Variants in TTLL11 observed in about 807,000 individuals in gnomAD.
The protein encoded by TTLL11 is tubulin tyrosine ligase like 11.
In TTLL11, 42 loss-of-function variants were observed where a neutral mutation model predicts 51.7. The observed-to-expected ratio is 0.81, with a 90% CI of 0.64 to 1.05. The LOEUF (loss-of-function observed/expected upper bound fraction) is 1.05, where lower values mean the gene tolerates loss of function less well. Ranked by LOEUF, TTLL11 falls within the 50% of genes least tolerant of loss-of-function variation. TTLL11 has a pLI of 0.00. For synonymous variants in TTLL11, 381 were observed against 383.5 expected (o/e 0.99, Z 0.08); for missense variants, 799 against 940.4 (o/e 0.85, Z 1.97).
intron 6 of TTLL11, among the ~76,000 whole-genome samples, chr9:121,889,640 G>A (rs1839143986): frequency 2.0e-5 from 3 of 152,176 alleles, no homozygotes; most frequent in South Asian, 4.1e-4. Context: ...AGTGGCTCAC[G>A]CCTGTAATCC....
chr9:121,827,610 G>A (rs567957458), intron 8 of TTLL11, among the ~76,000 whole-genome samples: 22 of 152,310 alleles, frequency 1.4e-4, no homozygotes, highest in Admixed American at 9.8e-4. Context: ...GTGGGGGGAC[G>A]CGGGGATGCC....
intron 6 of TTLL11, among the ~76,000 whole-genome samples, chr9:121,945,249 C>T (rs575441888): frequency 7.9e-5 from 12 of 152,298 alleles, no homozygotes; most frequent in Non-Finnish European, 1.2e-4. Context: ...CTGAAAAATA[C>T]ATGGGTTAAT....
intron 6 of TTLL11, among the ~76,000 whole-genome samples, chr9:121,959,879 T>C (rs1842159351): frequency 6.6e-6 from 1 of 152,018 alleles, no homozygotes; most frequent in Non-Finnish European, 1.5e-5. Context: ...CTGTGATCTG[T>C]ATTATACATT....
At chr9:122,051,185 T>C (rs1845145719) in intron 1 of TTLL11, among the ~76,000 whole-genome samples, 1 of 152,208 alleles carries the variant, frequency 6.6e-6, no homozygotes, top group South Asian at 2.1e-4. Context: ...GTATCTTACA[T>C]AAATGCCTCC....
chr9:122,067,077 G>A (rs1009347010), intron 1 of TTLL11, among the ~76,000 whole-genome samples: 6 of 152,048 alleles, frequency 3.9e-5, no homozygotes, highest in African/African-American at 7.2e-5. Flanking sequence ...ATTTGGGTAG[G>A]GACACAAAGC....
chr9:122,016,260 G>GT (rs1843975026), intron 3 of TTLL11, among the ~76,000 whole-genome samples: 1 of 152,172 alleles, frequency 6.6e-6, no homozygotes, highest in Admixed American at 6.5e-5. Context: ...ATGCCATTGA[G>GT]TATCTAATAA....
At chr9:121,988,664 G>A (rs146121328) in intron 4 of TTLL11, among the ~76,000 whole-genome samples, 53 of 152,230 alleles carry the variant, frequency 3.5e-4, no homozygotes, top group African/African-American at 1.2e-3. Context: ...AGAATGTTAC[G>A]TGGCCCCACG....
At chr9:122,081,124 C>T (rs1019674616) in intron 1 of TTLL11, among the ~76,000 whole-genome samples, 6 of 152,182 alleles carry the variant, frequency 3.9e-5, no homozygotes, top group Admixed American at 1.3e-4. Context: ...ATAAAACCAA[C>T]GTCCAGGCTC....
intron 6 of TTLL11, among the ~76,000 whole-genome samples, chr9:121,915,790 G>A (rs979563039): frequency 2.6e-5 from 4 of 151,666 alleles, no homozygotes; most frequent in South Asian, 2.1e-4. Flanking sequence ...TTTCTTTTTC[G>A]TTTACATTTT....
chr9:121,990,245 G>T (rs1170176634), intron 3 of TTLL11, among the ~76,000 whole-genome samples: 3 of 152,194 alleles, frequency 2.0e-5, no homozygotes, highest in African/African-American at 7.2e-5. Flanking sequence ...GTTGCTGAGG[G>T]CATGGGTGTT....
chr9:121,904,924 A>T (rs1416463119), intron 6 of TTLL11, among the ~76,000 whole-genome samples: 1 of 152,194 alleles, frequency 6.6e-6, no homozygotes, highest in African/African-American at 2.4e-5. Flanking sequence ...TGACTCATGT[A>T]TGGACGTCGA....
intron 6 of TTLL11, 57 bp downstream of exon 6, chr9:121,973,952 C>A: frequency 7.4e-7 from 1 of 1,343,590 alleles, no homozygotes; most frequent in South Asian, 1.3e-5. Context: ...GCTTAGGATA[C>A]GAAGCCGGGT....
intron 1 of TTLL11, among the ~76,000 whole-genome samples, chr9:122,053,001 T>C (rs913297406): frequency 5.3e-5 from 8 of 152,090 alleles, no homozygotes; most frequent in African/African-American, 1.2e-4. Flanking sequence ...TTAGAGAATA[T>C]TGAAAGCAAG....
chr9:121,936,846 T>C (rs1393052945), intron 6 of TTLL11, among the ~76,000 whole-genome samples: 2 of 152,262 alleles, frequency 1.3e-5, no homozygotes, highest in Non-Finnish European at 2.9e-5. Context: ...TACATCACTA[T>C]GTGGGCTTTT....
chr9:121,924,189 C>T (rs146528680), intron 6 of TTLL11, among the ~76,000 whole-genome samples: 243 of 152,340 alleles, frequency 1.6e-3, no homozygotes, highest in Middle Eastern at 6.8e-3. Flanking sequence ...TTCTGGAAAG[C>T]CTTCCCAGAC....
chr9:121,891,916 G>A (rs1839249395), intron 6 of TTLL11, among the ~76,000 whole-genome samples: 1 of 148,874 alleles, frequency 6.7e-6, no homozygotes, highest in South Asian at 2.1e-4. Context: ...ATATATACGT[G>A]TGTGTATATA....
intron 6 of TTLL11, among the ~76,000 whole-genome samples, chr9:121,888,632 G>C (rs1839105118): frequency 6.6e-6 from 1 of 152,228 alleles, no homozygotes; most frequent in Non-Finnish European, 1.5e-5. Flanking sequence ...ATTAGACACA[G>C]ACACATTACT....
intron 6 of TTLL11, among the ~76,000 whole-genome samples, chr9:121,930,599 C>T (rs894917924): frequency 6.6e-6 from 1 of 152,218 alleles, no homozygotes; most frequent in Non-Finnish European, 1.5e-5. Flanking sequence ...AGAAATGGCT[C>T]ACCCGGGGCC....
At chr9:121,991,206 G>A (rs935848000) in intron 3 of TTLL11, among the ~76,000 whole-genome samples, 1 of 152,198 alleles carries the variant, frequency 6.6e-6, no homozygotes, top group Non-Finnish European at 1.5e-5. Flanking sequence ...TGTGCCTTGC[G>A]CTTATCTCTT....
Sources: gnomAD v4.1 joint callset for allele counts (sites outside exome capture counted in the v4.1 genomes callset) on GRCh38, gnomAD v4.1.1 for gene constraint, MANE v1.5 for transcripts, NCBI Gene and HGNC (gene_info 2026-07-23, HGNC 2026-07-21) for gene names.